Variants in TMEM147 observed in about 807,000 individuals in gnomAD.
TMEM147 encodes the protein BOS complex subunit TMEM147.
In TMEM147, 29 loss-of-function variants were observed where a neutral mutation model predicts 29.4. The observed-to-expected ratio is 0.99, with a 90% CI of 0.73 to 1.34. TMEM147 has a LOEUF of 1.34. TMEM147 is among the 40% of genes most tolerant of loss of function. TMEM147 has a pLI of 0.00. For synonymous variants in TMEM147, 121 were observed against 111.8 expected, an observed-to-expected ratio of 1.08 and a Z score of -0.52; for missense variants, 260 against 289.4, an observed-to-expected ratio of 0.90 and a Z score of 0.74.
At chr19:35,546,404 T>G in intron 2 of TMEM147, 122 bp from the exon 3 acceptor site, 1 of 1,178,620 alleles carries the variant, frequency 8.5e-7, no homozygotes, top group South Asian at 1.6e-5. Context: ...GTGGTTCCTC[T>G]TCCAGATGGG....
rs535356670 is a variant in TMEM147 at position 35,546,186 on chromosome 19, CAGT to C, written c.147+233_147+235del. 608 of 622,050 alleles carry C rather than the reference CAGT, an allele frequency of 9.8e-4. 2 individuals carry two copies. The East Asian group carries it at 0.015, about 15-fold the overall frequency. The allele number at this position is 622,050 out of a possible 1,614,324, so 38.5% of individuals were successfully genotyped here. On this transcript the variant is annotated intron_variant, in intron 2 of 6. Coordinates refer to ENST00000222284, the MANE Select transcript of TMEM147 (RefSeq NM_032635.4). ...GCACTTAGTAAAACTGAGAAAACCT[CAGT>C]AGTGTGGTTGGCTAACAGGTTTTTT...
chr19:35,546,111 C>A, intron 2 of TMEM147, 154 bp downstream of exon 2: 1 of 864,354 alleles, frequency 1.2e-6, no homozygotes, highest in Non-Finnish European at 1.8e-6. Context: ...AGAGGATGGA[C>A]TTTAAAGAGG....
rs1231165421 is a variant in TMEM147, at chr19:35,547,403, A to G, written c.631A>G (p.Ser211Gly). 2 of 1,613,836 alleles carry G rather than the reference A, an allele frequency of 1.2e-6. No individual in the cohort carries two copies. Among genetic ancestry groups the G allele is most frequent in the Admixed American group, 1.7e-5 (1 of 60,022 alleles). The part of the protein sequence containing the change: ...RAVVTGLLAL[S>G]TLALYVAVVN... ...AGTGGTAACGGGGCTGCTGGCCCTC[A>G]GCACTTTGGCCCTGTATGTCGCCGT... Residue 211 changes from serine (S) to glycine (G), a missense_variant, in exon 7 of 7, where the codon AGC becomes GGC. Transcript: ENST00000222284.
In TMEM147 at chr19:35,545,695, G is replaced by A; in HGVS notation, c.-45G>A. Reference sequence around the variant, plus strand: ...GAGCCGGAGACCCGCTCCCGGAGACGCCGCCTCGCGATCCCCGCGCGGGCG... The same window carrying A: ...GAGCCGGAGACCCGCTCCCGGAGACACCGCCTCGCGATCCCCGCGCGGGCG... On this transcript the variant is annotated 5_prime_UTR_variant, in exon 1 of 7. Transcript: ENST00000222284. The A allele has an allele frequency of 1.9e-6, 3 of 1,594,850 alleles. No homozygotes were observed. The highest frequency in any genetic ancestry group is 2.6e-6 in the Non-Finnish European group (3 of 1,174,102).
intron 2 of TMEM147, 142 bp downstream of exon 2, chr19:35,546,099 A>C (rs1453466763): frequency 3.2e-6 from 3 of 942,240 alleles, no homozygotes; most frequent in Non-Finnish European, 4.9e-6. Flanking sequence ...CAGGATACCT[A>C]GAGAGGATGG....
In TMEM147 at chr19:35,546,078, C is replaced by A. The variant is rs2071553277; in HGVS notation, c.147+121C>A. 4.5e-6 allele frequency: 5 copies of A among 1,115,840 alleles called. No individual in the cohort carries two copies. In the Admixed American group the frequency reaches 6.0e-5, roughly 13 times the overall value. 69.1% of individuals were successfully genotyped at this position (1,115,840 alleles called of 1,614,324 possible). On this transcript the variant is annotated intron_variant, in intron 2 of 6. Transcript: ENST00000222284. Reference sequence around the variant, plus strand: ...GTGGGACCGCCCTCGGGACTCCGCACTGGGAGGCGTCAGGATACCTAGAGA... The same window carrying A: ...GTGGGACCGCCCTCGGGACTCCGCAATGGGAGGCGTCAGGATACCTAGAGA...
intron 2 of TMEM147, chr19:35,546,290 A>G: frequency 1.7e-6 from 1 of 601,830 alleles, no homozygotes; most frequent in Non-Finnish European, 2.9e-6. Context: ...TTCAGACCTG[A>G]CTCAGATGCC....
Position 35,545,878 on chromosome 19 carries a change from GCT to G in TMEM147, c.78-9_78-8del. ...GGGCCCGGGCCGACCCTCACCTCCCGCTTCTCCAGGTCCGAGTACAACGCCTT... is the reference window on the plus strand; with the variant it reads ...GGGCCCGGGCCGACCCTCACCTCCCGTCTCCAGGTCCGAGTACAACGCCTT... On this transcript the variant is annotated splice_region_variant and splice_polypyrimidine_tract_variant and intron_variant, in intron 1 of 6. Coordinates refer to ENST00000222284, the MANE Select transcript of TMEM147 (RefSeq NM_032635.4). 1 of 1,613,886 alleles carries G rather than the reference GCT, an allele frequency of 6.2e-7. No homozygotes were observed. The highest frequency in any genetic ancestry group is 8.5e-7 in the Non-Finnish European group (1 of 1,179,884).
rs1370891865 is a variant in TMEM147 at position 35,546,674 on chromosome 19, G to C, written c.210G>C (p.Glu70Asp). The C allele has an allele frequency of 1.2e-6, 2 of 1,612,672 alleles. No homozygotes were observed. The highest frequency in any genetic ancestry group is 1.7e-5 in the Admixed American group (1 of 59,922). Residue 70 changes from glutamate (E) to aspartate (D), a missense_variant and splice_region_variant, in exon 4 of 7, where the codon GAG (glutamate) becomes GAC (aspartate). By Grantham distance (45) the Glu-to-Asp change is conservative. Transcript: ENST00000222284. ...TTAAGCCTCAACCTGACCCGCAGGAGTTCATGAAGGCCAGCGTGGATGTGG... is the reference window on the plus strand; with the variant it reads ...TTAAGCCTCAACCTGACCCGCAGGACTTCATGAAGGCCAGCGTGGATGTGG... The part of the protein sequence containing the change: ...WEGGIYDFIG[E>D]FMKASVDVAD...
At position 35,545,683 on chromosome 19, in the gene TMEM147, G is replaced by A; in HGVS notation, c.-57G>A. On this transcript the variant is annotated 5_prime_UTR_variant, in exon 1 of 7. Coordinates refer to ENST00000222284, the MANE Select transcript of TMEM147 (RefSeq NM_032635.4). ...AAAGAGCCGGCGGAGCCGGAGACCC[G>A]CTCCCGGAGACGCCGCCTCGCGATC... is the stretch of plus-strand genomic sequence containing the variant. 6.3e-7 allele frequency: 1 copy of A among 1,584,500 alleles called. No homozygotes were observed. The highest frequency in any genetic ancestry group is 8.6e-7 in the Non-Finnish European group (1 of 1,168,212).
chr19:35,545,668 CGGAGCCGGA>C lies in TMEM147; in HGVS notation c.-70_-62del. ...GCCCTGGCCGTGGCGAAAGAGCCGGCGGAGCCGGAGACCCGCTCCCGGAGACGCCGCCTC... is the reference window on the plus strand; with the variant it reads ...GCCCTGGCCGTGGCGAAAGAGCCGGCGACCCGCTCCCGGAGACGCCGCCTC... On this transcript the variant is annotated 5_prime_UTR_variant, in exon 1 of 7. Coordinates refer to ENST00000222284, the MANE Select transcript of TMEM147 (RefSeq NM_032635.4). 6.5e-7 allele frequency: 1 copy of C among 1,536,926 alleles called. No homozygotes were observed. The highest frequency in any genetic ancestry group is 8.8e-7 in the Non-Finnish European group (1 of 1,136,144).
Position 35,547,147 on chromosome 19 carries a change from T to G in TMEM147, c.458T>G (p.Val153Gly), listed in dbSNP as rs778296741. 1 of 1,614,182 alleles carries G rather than the reference T, an allele frequency of 6.2e-7. No individual in the cohort carries two copies. The change falls in exon 6 of 7, where the codon GTC becomes GGC. Residue 153 changes from valine to glycine, a missense_variant. Transcript: ENST00000222284. ...LVHYIVASAQ[V>G]WMITRYDLYH... ...CATTACATCGTCGCGTCTGCTCAGG[T>G]CTGGATGATAACACGCTATGATCTG...
chr19:35,546,196 G>A (rs2071554888), intron 2 of TMEM147: 1 of 616,302 alleles, frequency 1.6e-6, no homozygotes, highest in Non-Finnish European at 2.8e-6. Context: ...CAGTAGTGTG[G>A]TTGGCTAACA....
chr19:35,546,428 T>C, intron 2 of TMEM147, 98 bp from the exon 3 acceptor site: 2 of 1,412,466 alleles, frequency 1.4e-6, no homozygotes, highest in South Asian at 2.7e-5. Flanking sequence ...CCAGAACCTG[T>C]CCTGCCCTCT....
At position 35,545,888 on chromosome 19, in the gene TMEM147, G is replaced by A; in HGVS notation, c.78G>A (p.Leu26=). The change falls in exon 2 of 7, where the codon CTG becomes CTA. Residue 26 remains leucine, a splice_region_variant and synonymous_variant. Coordinates refer to ENST00000222284, the MANE Select transcript of TMEM147 (RefSeq NM_032635.4). ...CGACCCTCACCTCCCGCTTCTCCAG[G>A]TCCGAGTACAACGCCTTCTGGAAAT... ...PYFITYKCSG[L]SEYNAFWKCV... The A allele has an allele frequency of 6.2e-7, 1 of 1,613,972 alleles. No homozygotes were observed. The highest frequency in any genetic ancestry group is 8.5e-7 in the Non-Finnish European group (1 of 1,179,926).
Position 35,547,349 on chromosome 19 carries a change from G to T in TMEM147, c.577G>T (p.Gly193Cys), listed in dbSNP as rs2071573228. Residue 193 changes from glycine to cysteine, a missense_variant, in exon 7 of 7, where the codon GGC becomes TGC. Coordinates refer to ENST00000222284, the MANE Select transcript of TMEM147 (RefSeq NM_032635.4). ...METFVHLCSL[G>C]SWAALLARAV... ...GACCTTCGTCCACCTCTGCTCGCTGGGCAGTTGGGCAGCTCTACTGGCCCG... is the reference window on the plus strand; with the variant it reads ...GACCTTCGTCCACCTCTGCTCGCTGTGCAGTTGGGCAGCTCTACTGGCCCG... 3 of 1,613,948 alleles carry T rather than the reference G, an allele frequency of 1.9e-6. No individual in the cohort carries two copies. The highest frequency in any genetic ancestry group is 2.7e-5 in the African/African-American group (2 of 75,026).
In TMEM147 at chr19:35,545,891, C is replaced by G. The variant is rs751827727; in HGVS notation, c.81C>G (p.Ser27=). 6.2e-7 allele frequency: 1 copy of G among 1,613,990 alleles called. No individual in the cohort carries two copies. The highest frequency in any genetic ancestry group is 8.5e-7 in the Non-Finnish European group (1 of 1,179,932). Residue 27 remains serine, a synonymous_variant, in exon 2 of 7, where the codon TCC becomes TCG. Coordinates refer to ENST00000222284, the MANE Select transcript of TMEM147 (RefSeq NM_032635.4). ...CCCTCACCTCCCGCTTCTCCAGGTC[C>G]GAGTACAACGCCTTCTGGAAATGCG... is the stretch of plus-strand genomic sequence containing the variant. ...YFITYKCSGL[S]EYNAFWKCVQ...
intron 2 of TMEM147, 43 bp downstream of exon 2, chr19:35,546,000 T>TG: frequency 6.3e-7 from 1 of 1,596,290 alleles, no homozygotes; most frequent in Non-Finnish European, 8.5e-7. Context: ...CCCCAGGCTC[T>TG]GCAGACCCAG....
At chr19:35,545,853 G>C in intron 1 of TMEM147, 35 bp from the exon 2 acceptor site, 1 of 1,613,874 alleles carries the variant, frequency 6.2e-7, no homozygotes, top group Non-Finnish European at 8.5e-7. Context: ...AGAGGGCGCG[G>C]GGCCCGGGCC....
Sources: allele counts gnomAD v4.1 joint callset, GRCh38; gene constraint gnomAD v4.1.1; transcripts MANE v1.5; gene names NCBI Gene and HGNC (gene_info 2026-07-23, HGNC 2026-07-21).